ARMH4: variants seen among roughly 807,000 people sequenced by gnomAD.
The protein encoded by ARMH4 is armadillo-like helical domain-containing protein 4.
ARMH4 carries 49 observed loss-of-function variants against 61.9 expected under a neutral mutation model. The ratio of observed to expected loss-of-function variants is 0.79; its 90% CI spans 0.63 to 1.00. The LOEUF (loss-of-function observed/expected upper bound fraction) is 1.00, where lower values mean the gene tolerates loss of function less well. Ranked by LOEUF, ARMH4 falls within the 50% of genes least tolerant of loss-of-function variation. The pLI is 0.00. For missense variants in ARMH4, 934 were observed against 930.0 expected (o/e 1.00, Z -0.06); for synonymous variants, 368 against 341.5 (o/e 1.08, Z -0.85).
chr14:58,109,955 T>C (rs1886296030), intron 4 of ARMH4, among the ~76,000 whole-genome samples: 1 of 152,054 alleles, frequency 6.6e-6, no homozygotes, highest in African/African-American at 2.4e-5. Flanking sequence ...CATGAGTGAG[T>C]GTGAAGAAGG....
intron 1 of ARMH4, chr14:58,141,357 CA>C: frequency 2.0e-6 from 1 of 502,878 alleles, no homozygotes. Flanking sequence ...TTTAGAATGT[CA>C]AAACCAAAAT....
chr14:58,060,375 C>T (rs1004624026), intron 5 of ARMH4, among the ~76,000 whole-genome samples: 2 of 152,188 alleles, frequency 1.3e-5, no homozygotes, highest in Non-Finnish European at 2.9e-5. Flanking sequence ...TATTCTAACT[C>T]GTGGAAGGCA....
Position 58,139,005 on chromosome 14 carries a change from A to C in ARMH4, c.354T>G (p.Gly118=). The C allele has an allele frequency of 6.2e-7, 1 of 1,614,196 alleles. No individual in the cohort carries two copies. Among genetic ancestry groups the C allele is most frequent in the Non-Finnish European group, 8.5e-7 (1 of 1,180,028 alleles). ...RPGVSTPTES[G]VPSAEEVFGS... is the part of the protein sequence containing the mutation. ...CAAATACTTCTTCAGCTGAGGGGAC[A>C]CCTGACTCAGTAGGTGTGGAAACAC... The change falls in exon 2 of 8, where the codon GGT becomes GGG. Residue 118 remains glycine (G), a synonymous_variant. Transcript: ENST00000267485.
At chr14:58,077,703 A>C (rs1885091678) in intron 5 of ARMH4, among the ~76,000 whole-genome samples, 1 of 152,218 alleles carries the variant, frequency 6.6e-6, no homozygotes. Flanking sequence ...AAATAGGAAA[A>C]CTGAAGCTCG....
chr14:58,033,152 G>C, intron 5 of ARMH4, among the ~76,000 whole-genome samples: 1 of 102,882 alleles, frequency 9.7e-6, no homozygotes, highest in African/African-American at 3.5e-5. Context: ...AAGTGTCCCT[G>C]TCTGACAGCT....
chr14:58,096,675 A>G, intron 5 of ARMH4, 49 bp downstream of exon 5: 1 of 1,574,040 alleles, frequency 6.4e-7, no homozygotes. Context: ...TCTGAGAAAT[A>G]TAAAAGGAGG....
At position 58,131,653 on chromosome 14, in the gene ARMH4, G is replaced by C; in HGVS notation, c.1690C>G (p.Pro564Ala). ...CTGGGTTCCCCCACCATTATTCCAGGAGGTGTCACTGGAGATCCCAGAACT... is the reference window on the plus strand; with the variant it reads ...CTGGGTTCCCCCACCATTATTCCAGCAGGTGTCACTGGAGATCCCAGAACT... ...TPVLGSPVTP[P>A]GIMVGEPSIS... is the part of the protein sequence containing the mutation. Residue 564 changes from proline (P) to alanine (A), a missense_variant, in exon 4 of 8, where the codon CCT (proline) becomes GCT (alanine). Transcript: ENST00000267485. 1 of 1,614,086 alleles carries C rather than the reference G, an allele frequency of 6.2e-7. No homozygotes were observed. Among genetic ancestry groups the C allele is most frequent in the Non-Finnish European group, 8.5e-7 (1 of 1,180,022 alleles).
At chr14:58,030,220 C>T (rs1236230856) in intron 5 of ARMH4, among the ~76,000 whole-genome samples, 1 of 152,198 alleles carries the variant, frequency 6.6e-6, no homozygotes, top group Non-Finnish European at 1.5e-5. Flanking sequence ...TTCACCCATA[C>T]TTCACCCATC....
chr14:58,122,226 A>G (rs1349085172), intron 4 of ARMH4, among the ~76,000 whole-genome samples: 4 of 152,206 alleles, frequency 2.6e-5, no homozygotes, highest in African/African-American at 9.7e-5. Flanking sequence ...CACAGCAGCA[A>G]CCAAAGGAAA....
chr14:58,107,792 C>T (rs962922730), intron 4 of ARMH4, among the ~76,000 whole-genome samples: 2 of 150,552 alleles, frequency 1.3e-5, no homozygotes, highest in East Asian at 3.9e-4. Flanking sequence ...AAAATTAGCC[C>T]ATGTGGAAAA....
rs184694393 is a variant in ARMH4, at chr14:58,003,598, T to A, written c.*1138A>T. On this transcript the variant is annotated 3_prime_UTR_variant, in exon 8 of 8. Coordinates refer to ENST00000267485, the MANE Select transcript of ARMH4 (RefSeq NM_001001872.4). Reference sequence around the variant, plus strand: ...GCGCATTGGAATATCCTATTTTGTATAGGGCAGGGAATTACATTCCAAGGG... The same window carrying A: ...GCGCATTGGAATATCCTATTTTGTAAAGGGCAGGGAATTACATTCCAAGGG... 4 of 152,332 alleles carry A rather than the reference T, an allele frequency of 2.6e-5. No homozygotes were observed. In the South Asian group the frequency reaches 6.2e-4, roughly 24 times the overall value. The allele number at this position is 152,332 out of a possible 1,614,324, so 9.4% of individuals were successfully genotyped here.
At chr14:58,046,674 T>A (rs1259638557) in intron 5 of ARMH4, among the ~76,000 whole-genome samples, 1 of 152,140 alleles carries the variant, frequency 6.6e-6, no homozygotes, top group Non-Finnish European at 1.5e-5. Context: ...TTAACAAACT[T>A]CCCAAGGGAC....
intron 5 of ARMH4, among the ~76,000 whole-genome samples, chr14:58,081,110 T>C (rs1483551930): frequency 1.3e-5 from 2 of 151,424 alleles, no homozygotes; most frequent in Non-Finnish European, 2.9e-5. Context: ...TATAAATAAA[T>C]AAATAAATAA....
At chr14:58,042,037 C>G (rs1453528930) in intron 5 of ARMH4, among the ~76,000 whole-genome samples, 5 of 152,090 alleles carry the variant, frequency 3.3e-5, no homozygotes, top group Admixed American at 2.0e-4. Context: ...GACAGACCAA[C>G]GAGACAGAAA....
At chr14:58,049,046 G>C (rs749049598) in intron 5 of ARMH4, among the ~76,000 whole-genome samples, 1 of 151,964 alleles carries the variant, frequency 6.6e-6, no homozygotes, top group Non-Finnish European at 1.5e-5. Context: ...GACCATCCTG[G>C]CTAACATGGT....
Position 58,003,003 on chromosome 14 carries a change from T to C in ARMH4, c.*1733A>G, listed in dbSNP as rs374297625. ...ATTCTAGGAAGGTTTATTAGTTCCA[T>C]AGAGGTGATACTCAAATGTATGACT... is the stretch of plus-strand genomic sequence containing the variant. On this transcript the variant is annotated 3_prime_UTR_variant, in exon 8 of 8. Transcript: ENST00000267485. 3 of 151,800 alleles carry C rather than the reference T, an allele frequency of 2.0e-5. No homozygotes were observed. Among genetic ancestry groups the C allele is most frequent in the Non-Finnish European group, 4.4e-5 (3 of 67,982 alleles). The allele number at this position is 151,800 out of a possible 1,614,324, so 9.4% of individuals were successfully genotyped here. A position where few individuals can be genotyped will look rare whatever the true frequency, so the allele number is the denominator to read the frequency against.
chr14:58,122,367 A>G (rs1185656606), intron 4 of ARMH4, among the ~76,000 whole-genome samples: 1 of 152,196 alleles, frequency 6.6e-6, no homozygotes, highest in African/African-American at 2.4e-5. Context: ...ACACAGGGAA[A>G]GGAAGAAAAT....
intron 5 of ARMH4, among the ~76,000 whole-genome samples, chr14:58,033,185 C>G (rs1287087708): frequency 9.0e-6 from 1 of 110,848 alleles, no homozygotes; most frequent in Admixed American, 8.7e-5. Flanking sequence ...GTGGTTCTCC[C>G]AGCACGCAGC....
intron 1 of ARMH4, among the ~76,000 whole-genome samples, chr14:58,142,840 G>A (rs924409480): frequency 4.0e-5 from 6 of 151,892 alleles, no homozygotes; most frequent in Non-Finnish European, 5.9e-5. Context: ...CAATCCTCCT[G>A]CATCAAGCTC....
Sources: allele counts gnomAD v4.1 joint callset (sites outside exome capture counted in the v4.1 genomes callset), GRCh38; gene constraint gnomAD v4.1.1; transcripts MANE v1.5; gene names NCBI Gene and HGNC (gene_info 2026-07-23, HGNC 2026-07-21).